Variants in KLRD1 observed in about 807,000 individuals in gnomAD.
KLRD1 encodes killer cell lectin like receptor D1, also known as natural killer cells antigen CD94.
A neutral mutation model predicts 22.6 loss-of-function variants in KLRD1; 21 were observed. The ratio of observed to expected loss-of-function variants is 0.93; its 90% CI spans 0.66 to 1.34. The LOEUF (loss-of-function observed/expected upper bound fraction) is 1.34, where lower values mean the gene tolerates loss of function less well. Ranked by LOEUF, KLRD1 falls within the 40% of genes most tolerant of loss-of-function variation. The pLI, the probability that KLRD1 is intolerant of heterozygous loss-of-function variation, is 0.00. For synonymous variants in KLRD1, 59 were observed against 71.1 expected, an observed-to-expected ratio of 0.83 and a Z score of 0.85; for missense variants, 183 against 208.6, an observed-to-expected ratio of 0.88 and a Z score of 0.76.
rs1949791498 is a variant in KLRD1 at position 10,293,167 on chromosome 12, T to TATATATATATATATATACACACAC, written c.-100-14810_-100-14809insTATATATATATATATACACACACA. 1.5e-3 allele frequency among the ~76,000 whole-genome samples: 7 copies of TATATATATATATATATACACACAC among 4,634 alleles called. 2 individuals carry two copies. Among genetic ancestry groups the TATATATATATATATATACACACAC allele is most frequent in the African/African-American group, 1.6e-3 (7 of 4,324 alleles). 3.0% of individuals were successfully genotyped at this position (4,634 alleles called of 152,430 possible). On this transcript the variant is annotated intron_variant, in intron 1 of 5. Coordinates refer to the KLRD1 transcript ENST00000544747. ...CAGTAAAACTTTCTCCATATATATA[T>TATATATATATATATATACACACAC]ACACATATACACATAATTCGCATGC...
intron 1 of KLRD1, among the ~76,000 whole-genome samples, chr12:10,257,124 T>C (rs369191890): frequency 1.8e-5 from 2 of 111,600 alleles, no homozygotes; most frequent in South Asian, 3.1e-4. Context: ...TTTGTTTTGT[T>C]TTTTCTTTTC....
At chr12:10,293,791 A>G (rs942016740) in intron 1 of KLRD1, among the ~76,000 whole-genome samples, 3 of 152,254 alleles carry the variant, frequency 2.0e-5, no homozygotes, top group Non-Finnish European at 1.5e-5. Flanking sequence ...AATAAAGTGA[A>G]GTGCAGTAAA....
At chr12:10,296,078 A>G (rs1046914486) in intron 1 of KLRD1, among the ~76,000 whole-genome samples, 1 of 152,338 alleles carries the variant, frequency 6.6e-6, no homozygotes, top group East Asian at 1.9e-4. Flanking sequence ...GAGATAATCT[A>G]TAAATGGGTC....
Position 10,329,004 on chromosome 12 carries a change from TC to T in KLRD1, c.*14214del, listed in dbSNP as rs1192403016. On this transcript the variant is annotated 3_prime_UTR_variant, in exon 6 of 6. Transcript: ENST00000336164. ...AAACCACCCCCATGATTCAATTATC[TC>T]CCACTGGGTCCCTCCACCAACATGG... 1 of 152,126 alleles carries T rather than the reference TC, an allele frequency of 6.6e-6. No individual in the cohort carries two copies. Among genetic ancestry groups the T allele is most frequent in the African/African-American group, 2.4e-5 (1 of 41,422 alleles). 9.4% of individuals were successfully genotyped at this position (152,126 alleles called of 1,614,324 possible).
In KLRD1 at chr12:10,315,018, T is replaced by A. The variant is rs962047225; in HGVS notation, c.*225T>A. On this transcript the variant is annotated 3_prime_UTR_variant, in exon 6 of 6. Transcript: ENST00000336164. ...AAAATTAACATAAAGAATTTTGTAT[T>A]TTCATTTAATGTATATATTTAATGT... 4.8e-5 allele frequency: 16 copies of A among 334,586 alleles called. No homozygotes were observed. Among genetic ancestry groups the A allele is most frequent in the Non-Finnish European group, 7.8e-5 (15 of 191,546 alleles). 20.7% of individuals were successfully genotyped at this position (334,586 alleles called of 1,614,324 possible).
At chr12:10,260,193 G>A (rs1949439301) in intron 1 of KLRD1, among the ~76,000 whole-genome samples, 1 of 152,040 alleles carries the variant, frequency 6.6e-6, no homozygotes, top group Admixed American at 6.6e-5. Context: ...GATTGCCTCT[G>A]AGGATAGAAT....
intron 1 of KLRD1, among the ~76,000 whole-genome samples, chr12:10,270,453 AAG>A (rs1266471466): frequency 2.0e-5 from 3 of 152,172 alleles, no homozygotes; most frequent in Non-Finnish European, 4.4e-5. Flanking sequence ...ACGGTTCAAA[AAG>A]AGAGAAGTTG....
At chr12:10,272,565 C>T (rs1949559781) in intron 1 of KLRD1, among the ~76,000 whole-genome samples, 2 of 152,194 alleles carry the variant, frequency 1.3e-5, no homozygotes, top group South Asian at 4.1e-4. Context: ...ATGCCACTGG[C>T]GAAGGTTGAA....
intron 1 of KLRD1, among the ~76,000 whole-genome samples, chr12:10,299,045 A>G (rs1352898120): frequency 1.3e-5 from 2 of 152,114 alleles, no homozygotes; most frequent in African/African-American, 4.8e-5. Flanking sequence ...TCCTATTTTT[A>G]TCAGATTTCT....
intron 1 of KLRD1, among the ~76,000 whole-genome samples, chr12:10,276,783 G>T (rs183341220): frequency 6.6e-6 from 1 of 152,138 alleles, no homozygotes; most frequent in Admixed American, 6.5e-5. Flanking sequence ...GCACCAGGAA[G>T]TTTGACCTCT....
chr12:10,251,090 C>G lies in KLRD1; in HGVS notation c.-101+24857C>G, dbSNP rs137962026. On this transcript the variant is annotated intron_variant, in intron 1 of 5. Coordinates refer to the KLRD1 transcript ENST00000544747. ...CAGATGTTAACATACTAACCTTTCACTCTGGAGTTTGGGACAGTGAGTGAT... is the reference window on the plus strand; with the variant it reads ...CAGATGTTAACATACTAACCTTTCAGTCTGGAGTTTGGGACAGTGAGTGAT... 4.6e-5 allele frequency among the ~76,000 whole-genome samples: 7 copies of G among 152,208 alleles called. No homozygotes were observed. The East Asian group carries it at 1.2e-3, about 25-fold the overall frequency.
At chr12:10,250,868 C>T (rs1949340293) in intron 1 of KLRD1, among the ~76,000 whole-genome samples, 1 of 151,914 alleles carries the variant, frequency 6.6e-6, no homozygotes, top group South Asian at 2.1e-4. Flanking sequence ...AAGATCCAGA[C>T]CAGGAGAAAG....
intron 3 of KLRD1, 140 bp from the exon 4 acceptor site, chr12:10,311,324 G>GT (rs1457282580): frequency 1.7e-6 from 1 of 590,976 alleles, no homozygotes; most frequent in Non-Finnish European, 2.8e-6. Flanking sequence ...GTTCACATTA[G>GT]TAGCCCCTGA....
chr12:10,294,379 A>G (rs1011989317), intron 1 of KLRD1, among the ~76,000 whole-genome samples: 4 of 152,072 alleles, frequency 2.6e-5, no homozygotes, highest in Admixed American at 6.5e-5. Context: ...AATTTCCTCT[A>G]GATAATCATT....
chr12:10,250,879 T>C (rs56374289), intron 1 of KLRD1, among the ~76,000 whole-genome samples: 31,620 of 151,924 alleles, frequency 0.21, 3,541 homozygotes, highest in Non-Finnish European at 0.24. Flanking sequence ...CAGGAGAAAG[T>C]CTCAGGTATT....
intron 1 of KLRD1, among the ~76,000 whole-genome samples, chr12:10,248,015 C>G (rs1327025406): frequency 6.6e-6 from 1 of 152,134 alleles, no homozygotes; most frequent in Admixed American, 6.5e-5. Context: ...GCATGCCTCT[C>G]AAAATATATG....
chr12:10,284,921 C>T (rs1161457449), intron 1 of KLRD1, among the ~76,000 whole-genome samples: 2 of 151,862 alleles, frequency 1.3e-5, no homozygotes, highest in East Asian at 1.9e-4. Context: ...GCGGAGGTTG[C>T]GGTGAGCCCA....
chr12:10,262,491 TA>T (rs1473011346), intron 1 of KLRD1, among the ~76,000 whole-genome samples: 2 of 152,148 alleles, frequency 1.3e-5, no homozygotes, highest in African/African-American at 4.8e-5. Flanking sequence ...ACACCATTGT[TA>T]ACTAACTTTG....
chr12:10,300,037 T>C (rs1949854085), upstream of KLRD1, among the ~76,000 whole-genome samples: 1 of 152,204 alleles, frequency 6.6e-6, no homozygotes, highest in African/African-American at 2.4e-5. Context: ...CATCTGCAGT[T>C]ACTTCCTCCA....
Sources: allele counts gnomAD v4.1 joint callset (sites outside exome capture counted in the v4.1 genomes callset), GRCh38; gene constraint gnomAD v4.1.1; transcripts MANE v1.5; gene names NCBI Gene and HGNC (gene_info 2026-07-23, HGNC 2026-07-21).